JPH2: variants seen among roughly 807,000 people sequenced by gnomAD.
The protein encoded by JPH2 is junctophilin 2, also known as junctophilin-2.
Under a neutral mutation model 55.9 loss-of-function variants are expected in JPH2, and 38 were observed. The observed-to-expected ratio is 0.68, with a 90% confidence interval of 0.52 to 0.89. JPH2 has a LOEUF of 0.89. Ranked by LOEUF, JPH2 falls within the 40% of genes least tolerant of loss-of-function variation. The pLI, the probability that JPH2 is intolerant of heterozygous loss-of-function variation, is 0.00. For missense variants in JPH2, 964 were observed against 1,037.6 expected, an observed-to-expected ratio of 0.93 and a Z score of 0.97; for synonymous variants, 480 against 472.4, an observed-to-expected ratio of 1.02 and a Z score of -0.21.
In JPH2 at chr20:44,112,382, T is replaced by G. The variant is rs1016006095; in HGVS notation, c.*1136A>C. ...CAGAGACCTAGTGTGGTACAAAACA[T>G]CTTTAAGTGAGGTACATCCAAGTAG... On this transcript the variant is annotated 3_prime_UTR_variant, in exon 6 of 6. Coordinates refer to ENST00000372980, the MANE Select transcript of JPH2 (RefSeq NM_020433.5). The G allele has an allele frequency of 6.6e-6, 1 of 152,160 alleles. No individual in the cohort carries two copies. The highest frequency in any genetic ancestry group is 6.5e-5 in the Admixed American group (1 of 15,280). 9.4% of individuals were successfully genotyped at this position (152,160 alleles called of 1,614,324 possible). A position where few individuals can be genotyped will look rare whatever the true frequency, so the allele number is the denominator to read the frequency against.
chr20:44,176,316 G>GTATTTTTTTTTTTTTT (rs1226182561), intron 1 of JPH2, among the ~76,000 whole-genome samples: 1 of 116,170 alleles, frequency 8.6e-6, no homozygotes. Context: ...GATCCTATCT[G>GTATTTTTTTTTTTTTT]TCTTTTTTTT....
At chr20:44,129,405 A>C (rs776195670) in intron 2 of JPH2, among the ~76,000 whole-genome samples, 1 of 151,956 alleles carries the variant, frequency 6.6e-6, no homozygotes, top group Non-Finnish European at 1.5e-5. Context: ...AAATACAAAA[A>C]TTTGCTGGGC....
At chr20:44,176,415 C>A (rs530963303) in intron 1 of JPH2, among the ~76,000 whole-genome samples, 2 of 148,824 alleles carry the variant, frequency 1.3e-5, no homozygotes, top group African/African-American at 5.0e-5. Flanking sequence ...GCCTTGGCCT[C>A]TTAAAGCGCT....
Position 44,108,497 on chromosome 20 carries a change from C to T in JPH2, c.*5021G>A, listed in dbSNP as rs1439209430. 2.0e-5 allele frequency among the ~76,000 whole-genome samples: 3 copies of T among 152,042 alleles called. No individual in the cohort carries two copies. The highest frequency in any genetic ancestry group is 4.4e-5 in the Non-Finnish European group (3 of 68,016). On this transcript the variant is annotated 3_prime_UTR_variant, in exon 6 of 6. Coordinates refer to ENST00000372980, the MANE Select transcript of JPH2 (RefSeq NM_020433.5). ...TGAAGGGAGAGGGGGAGATTGTTCC[C>T]TCAGACTTTGCTGACTTTACAGCCT...
chr20:44,134,256 A>AATATTTATTATATATACAC (rs1569193349), intron 2 of JPH2, among the ~76,000 whole-genome samples: 1 of 18,728 alleles, frequency 5.3e-5, no homozygotes, highest in Non-Finnish European at 8.7e-5. Context: ...AATACATATA[A>AATATTTATTATATATACAC]ATAAATATTT....
chr20:44,132,399 C>G (rs910054), intron 2 of JPH2, among the ~76,000 whole-genome samples: 44,912 of 129,936 alleles, frequency 0.35, 8,344 homozygotes, highest in Middle Eastern at 0.42. Flanking sequence ...CACACACACA[C>G]ACATTTGGGC....
In JPH2 at chr20:44,134,558, TATAA is replaced by T. The variant is rs1165938929; in HGVS notation, c.1170-15939_1170-15936del. On this transcript the variant is annotated intron_variant, in intron 2 of 5. Transcript: ENST00000372980. ...TAAATAAATATATATTTATAATATATATAAATAAATATATATTTATTATAAATAT... is the reference window on the plus strand; with the variant it reads ...TAAATAAATATATATTTATAATATATATAAATATATATTTATTATAAATAT... Among the ~76,000 whole-genome samples the T allele has an allele frequency of 1.5e-3, 83 of 55,856 alleles. 29 individuals carry two copies. Among genetic ancestry groups the T allele is most frequent in the African/African-American group, 6.1e-3 (80 of 13,080 alleles). 36.6% of individuals were successfully genotyped at this position (55,856 alleles called of 152,430 possible). A position where few individuals can be genotyped will look rare whatever the true frequency, so the allele number is the denominator to read the frequency against.
chr20:44,156,898 A>G (rs2072569813), intron 2 of JPH2, among the ~76,000 whole-genome samples: 2 of 152,316 alleles, frequency 1.3e-5, no homozygotes, highest in African/African-American at 4.8e-5. Context: ...AGTGATGCCA[A>G]CGGCTCACAC....
intron 2 of JPH2, among the ~76,000 whole-genome samples, chr20:44,139,937 T>C (rs905443533): frequency 6.6e-6 from 1 of 152,148 alleles, no homozygotes; most frequent in Non-Finnish European, 1.5e-5. Flanking sequence ...AGTGGTGCAA[T>C]CTTGGCTCAC....
chr20:44,120,993 A>G (rs1181291403), intron 2 of JPH2, among the ~76,000 whole-genome samples: 1 of 152,236 alleles, frequency 6.6e-6, no homozygotes, highest in East Asian at 1.9e-4. Flanking sequence ...AACAGACACA[A>G]AAACTATTTA....
Position 44,160,321 on chromosome 20 carries a change from G to C in JPH2, c.466C>G (p.Arg156Gly). The stretch of plus-strand genomic sequence containing the variant: ...GACAGCGACGTGCGCAGCGGCGAGC[G>C]CACCACCACGGCCATCCCGTAGGGC... ...SVPYGMAVVV[R>G]SPLRTSLSSL... is the part of the protein sequence containing the mutation. The change falls in exon 2 of 6, where the codon CGC becomes GGC. Residue 156 changes from arginine to glycine, a missense_variant. Arg to Gly is a moderately radical substitution (Grantham distance 125, BLOSUM62 -2). Coordinates refer to ENST00000372980, the MANE Select transcript of JPH2 (RefSeq NM_020433.5). This position sits in a 1 kb window ranked among gnomAD's most constrained non-coding sequence, Gnocchi z 4.9. 6.4e-7 allele frequency: 1 copy of C among 1,566,018 alleles called. No homozygotes were observed. The highest frequency in any genetic ancestry group is 8.6e-7 in the Non-Finnish European group (1 of 1,156,436).
Position 44,116,401 on chromosome 20 carries a change from C to CA in JPH2, c.1289-16dup, listed in dbSNP as rs766238496. ...ATATTCCGGACCTGCCAGGGCAACACAGGGAGGCTGGGCTCGAACCCCGCA... is the reference window on the plus strand; with the variant it reads ...ATATTCCGGACCTGCCAGGGCAACACAAGGGAGGCTGGGCTCGAACCCCGCA... On this transcript the variant is annotated splice_polypyrimidine_tract_variant and intron_variant, in intron 3 of 5. Transcript: ENST00000372980. 1 of 1,546,530 alleles carries CA rather than the reference C, an allele frequency of 6.5e-7. No homozygotes were observed. The highest frequency in any genetic ancestry group is 1.2e-5 in the South Asian group (1 of 83,932).
intron 2 of JPH2, among the ~76,000 whole-genome samples, chr20:44,134,972 C>A (rs951776396): frequency 7.3e-6 from 1 of 137,246 alleles, no homozygotes; most frequent in Non-Finnish European, 1.5e-5. Context: ...AACCATTTAG[C>A]TGCTGGGTGC....
intron 2 of JPH2, among the ~76,000 whole-genome samples, chr20:44,153,478 CA>C (rs1325919204): frequency 6.6e-6 from 1 of 152,168 alleles, no homozygotes; most frequent in Non-Finnish European, 1.5e-5. Flanking sequence ...CCCAGCAACT[CA>C]AAAAACCAAC....
intron 2 of JPH2, among the ~76,000 whole-genome samples, chr20:44,124,379 G>C (rs1170044357): frequency 6.6e-6 from 1 of 152,066 alleles, no homozygotes; most frequent in Non-Finnish European, 1.5e-5. Flanking sequence ...CCCTCCTGCC[G>C]CGATCCTGGC....
In JPH2 at chr20:44,118,213, G is replaced by A. The variant is rs2072207794; in HGVS notation, c.1288+292C>T. 2.0e-5 allele frequency among the ~76,000 whole-genome samples: 3 copies of A among 152,168 alleles called. No homozygotes were observed. In the South Asian group the frequency reaches 6.2e-4, roughly 31 times the overall value. On this transcript the variant is annotated intron_variant, in intron 3 of 5. Transcript: ENST00000372980. ...CCATTTTTCCCTCTCATCCACCAGT[G>A]ACTTCTCTCCTCTAAGCTTCACCAG...
chr20:44,119,570 G>A (rs2145841308), intron 2 of JPH2, among the ~76,000 whole-genome samples: 1 of 152,284 alleles, frequency 6.6e-6, no homozygotes, highest in East Asian at 1.9e-4. Context: ...CCTTGTTCCA[G>A]AAGTTAAAAT....
chr20:44,161,715 C>T (rs535205878), intron 1 of JPH2, among the ~76,000 whole-genome samples: 9 of 152,234 alleles, frequency 5.9e-5, no homozygotes, highest in Middle Eastern at 6.8e-3. Flanking sequence ...GTATGACAAG[C>T]TGATACACAG....
intron 1 of JPH2, among the ~76,000 whole-genome samples, chr20:44,175,121 T>G (rs8118708): frequency 4.6e-5 from 7 of 152,226 alleles, no homozygotes; most frequent in Admixed American, 1.3e-4. Context: ...CTTCTGTTAA[T>G]GATTTAGATC....
Sources: gnomAD v4.1 joint callset for allele counts (sites outside exome capture counted in the v4.1 genomes callset) on GRCh38, gnomAD v4.1.1 for gene constraint, Gnocchi (gnomAD v3.1) non-coding constraint, MANE v1.5 for transcripts, NCBI Gene and HGNC (gene_info 2026-07-23, HGNC 2026-07-21) for gene names.